ZAN: variants seen among roughly 807,000 people sequenced by gnomAD.
ZAN encodes zonadhesin (gene/pseudogene).
ZAN carries 260 observed loss-of-function variants against 286.2 expected under a neutral mutation model. That is an observed-to-expected ratio of 0.91 (90% CI 0.82 to 1.01). The LOEUF is 1.01. Among genes scored for constraint, ZAN ranks in the 50% least tolerant of loss-of-function variants. ZAN has a pLI of 0.00. For synonymous variants in ZAN, 1,368 were observed against 1,417.5 expected (o/e 0.97, Z 0.79); for missense variants, 3,410 against 3,639.2 (o/e 0.94, Z 1.62).
At chr7:100,783,241 C>G (rs1431722666) in intron 35 of ZAN, among the ~76,000 whole-genome samples, 1 of 151,924 alleles carries the variant, frequency 6.6e-6, no homozygotes, top group Non-Finnish European at 1.5e-5. Flanking sequence ...GCACTCCAGC[C>G]AGGGCGGAAA....
rs745650505 is a variant in ZAN, at chr7:100,758,507, G to A, written c.3452-24G>A. 43 of 1,554,456 alleles carry A rather than the reference G, an allele frequency of 2.8e-5. 1 individual carries two copies. Among genetic ancestry groups the A allele is most frequent in the South Asian group, 2.7e-4 (23 of 84,416 alleles). On this transcript the variant is annotated intron_variant, in intron 16 of 47. Coordinates refer to ENST00000613979, the MANE Select transcript of ZAN (RefSeq NM_003386.3). ...CTGGAGGAGCCACAGAAGCAGCTTC[G>A]CCTGTTCTCCTTCCCCCTCCCAGCA...
chr7:100,756,701 T>G (rs1337304118), intron 15 of ZAN, among the ~76,000 whole-genome samples: 1 of 151,830 alleles, frequency 6.6e-6, no homozygotes, highest in Non-Finnish European at 1.5e-5. Context: ...CACTTTTGTT[T>G]TTTTTTTTTT....
At position 100,755,245 on chromosome 7, in the gene ZAN, C is replaced by T. The variant is rs1283354194; in HGVS notation, c.3144C>T (p.Ala1048=). The change falls in exon 15 of 48, where the codon GCC becomes GCT. Residue 1048 remains alanine, a synonymous_variant. Transcript: ENST00000613979. ...CCTTAGAGCGCTGCCCTCCAAATGC[C>T]CGCTACGAATCCTGTGCTTGTCCTG... ...RSSTERCPPN[A]RYESCACPAS... 1 of 1,612,874 alleles carries T rather than the reference C, an allele frequency of 6.2e-7. No individual in the cohort carries two copies.
chr7:100,771,301 A>G (rs1294835224), intron 28 of ZAN, among the ~76,000 whole-genome samples: 2 of 152,090 alleles, frequency 1.3e-5, no homozygotes, highest in South Asian at 2.1e-4. Context: ...CAATGGCACA[A>G]TCATAGCTCA....
chr7:100,770,554 G>T (rs1810307113), intron 28 of ZAN, among the ~76,000 whole-genome samples: 2 of 148,540 alleles, frequency 1.3e-5, no homozygotes, highest in African/African-American at 5.0e-5. Context: ...TCACTATGTA[G>T]CCCAGGCTGT....
intron 29 of ZAN, among the ~76,000 whole-genome samples, chr7:100,772,911 G>A (rs531184723): frequency 1.1e-4 from 15 of 139,314 alleles, no homozygotes; most frequent in South Asian, 6.7e-4. Flanking sequence ...TCTCGCTGTC[G>A]CCCAGGCTGG....
chr7:100,758,101 T>C (rs868122701), intron 15 of ZAN, 101 bp from the exon 16 acceptor site: 1 of 865,178 alleles, frequency 1.2e-6, no homozygotes, highest in African/African-American at 1.9e-5. Flanking sequence ...AATAAATAAA[T>C]AAATAAATAA....
At chr7:100,794,505 A>G (rs1018698247) in intron 44 of ZAN, among the ~76,000 whole-genome samples, 1 of 151,988 alleles carries the variant, frequency 6.6e-6, no homozygotes, top group Non-Finnish European at 1.5e-5. Flanking sequence ...AGCACTCCTA[A>G]TTTATACATA....
In ZAN at chr7:100,757,502, C is replaced by T. The variant is rs917660676; in HGVS notation, c.3310-700C>T. ...GGGTGCAGTGGCTCATGCCTGTAATCCTAGCACTTTGGGAGGCCAAGGCGG... is the reference window on the plus strand; with the variant it reads ...GGGTGCAGTGGCTCATGCCTGTAATTCTAGCACTTTGGGAGGCCAAGGCGG... On this transcript the variant is annotated intron_variant, in intron 15 of 47. Coordinates refer to ENST00000613979, the MANE Select transcript of ZAN (RefSeq NM_003386.3). Among the ~76,000 whole-genome samples the T allele has an allele frequency of 4.4e-4, 66 of 149,576 alleles. 2 individuals are homozygous for T. The highest frequency in any genetic ancestry group is 1.7e-3 in the South Asian group (8 of 4,688).
At chr7:100,739,820 G>A (rs1326467486) in intron 7 of ZAN, among the ~76,000 whole-genome samples, 1 of 138,836 alleles carries the variant, frequency 7.2e-6, no homozygotes, top group Non-Finnish European at 1.6e-5. Context: ...ACCACGCCCA[G>A]CTAATTTTTG....
Position 100,769,913 on chromosome 7 carries a change from C to A in ZAN, c.5187C>A (p.Cys1729Ter). The A allele has an allele frequency of 6.4e-7, 1 of 1,563,316 alleles. No individual in the cohort carries two copies. The highest frequency in any genetic ancestry group is 8.7e-7 in the Non-Finnish European group (1 of 1,153,312). Residue 1729 changes from cysteine (C) to a stop codon, truncating the protein, a stop_gained, in exon 28 of 48, where the codon TGC becomes TGA. Transcript: ENST00000613979. LOFTEE classifies it high-confidence loss of function. ...CFLVGGKPSS[C>*]QENSMADAWN... ...TTGTGGGTGGCAAGCCCTCCAGCTG[C>A]CAGGAGAACAGCATGGCAGACGCCT...
At chr7:100,770,848 G>C (rs968271831) in intron 28 of ZAN, among the ~76,000 whole-genome samples, 1 of 151,886 alleles carries the variant, frequency 6.6e-6, no homozygotes, top group Non-Finnish European at 1.5e-5. Context: ...CTGTTGCCCA[G>C]GCTGGAGTGC....
rs750922272 is a variant in ZAN at position 100,791,007 on chromosome 7, C to T, written c.7423C>T (p.Arg2475Cys). 1.7e-5 allele frequency: 27 copies of T among 1,612,212 alleles called. No homozygotes were observed. Among genetic ancestry groups the T allele is most frequent in the East Asian group, 1.3e-4 (6 of 44,838 alleles). ...SGLCGNYDKN[R>C]KNDMMLPSGA... ...CCTGTGCGGAAACTACGACAAGAAC[C>T]GCAAGAATGACATGATGCTGCCCAG... Residue 2475 changes from arginine (R) to cysteine (C), a missense_variant, in exon 40 of 48, where the codon CGC (arginine) becomes TGC (cysteine). Coordinates refer to ENST00000613979, the MANE Select transcript of ZAN (RefSeq NM_003386.3).
chr7:100,766,890 C>T (rs1023603563), intron 24 of ZAN, 120 bp from the exon 25 acceptor site: 1 of 1,526,696 alleles, frequency 6.6e-7, no homozygotes, highest in African/African-American at 1.4e-5. Context: ...AGGGAAACAC[C>T]ACATCTGTGG....
chr7:100,736,808 G>T lies in ZAN; in HGVS notation c.254-1G>T. On this transcript the variant is annotated splice_acceptor_variant, in intron 4 of 47. Transcript: ENST00000613979. LOFTEE classifies it high-confidence loss of function. Reference sequence around the variant, plus strand: ...AGTGTCTTGGGCTCTGCCTCCCCCAGAGGGCAGCTATCTGCATATGGAATC... The same window carrying T: ...AGTGTCTTGGGCTCTGCCTCCCCCATAGGGCAGCTATCTGCATATGGAATC... The T allele has an allele frequency of 1.4e-6, 2 of 1,471,784 alleles. No individual in the cohort carries two copies. Among genetic ancestry groups the T allele is most frequent in the South Asian group, 1.2e-5 (1 of 83,908 alleles). The allele number at this position is 1,471,784 out of a possible 1,614,324, so 91.2% of individuals were successfully genotyped here.
intron 39 of ZAN, among the ~76,000 whole-genome samples, chr7:100,789,695 A>G (rs1811811393): frequency 6.6e-6 from 1 of 152,188 alleles, no homozygotes; most frequent in Admixed American, 6.5e-5. Context: ...CTGTAATCCC[A>G]GCACTTTGGG....
chr7:100,747,739 C>A, intron 9 of ZAN, 98 bp downstream of exon 9: 1 of 1,234,992 alleles, frequency 8.1e-7, no homozygotes, highest in East Asian at 2.4e-5. Flanking sequence ...GCCTGTATTC[C>A]CAATACTTTG....
intron 7 of ZAN, among the ~76,000 whole-genome samples, chr7:100,739,153 AGGCGTGCACCACCATGCCC>A (rs1168178747): frequency 7.4e-6 from 1 of 134,674 alleles, no homozygotes; most frequent in Non-Finnish European, 1.6e-5. Flanking sequence ...CTGAGACTGC[AGGCGTGCACCACCATGCCC>A]GGCTAATTTT....
intron 25 of ZAN, 106 bp downstream of exon 25, chr7:100,767,363 C>T: frequency 6.7e-7 from 1 of 1,488,498 alleles, no homozygotes; most frequent in East Asian, 2.3e-5. Context: ...CCTTAGAGCA[C>T]CTGGGAAGCA....
Sources: allele counts gnomAD v4.1 joint callset (sites outside exome capture counted in the v4.1 genomes callset), GRCh38; gene constraint gnomAD v4.1.1; transcripts MANE v1.5; gene names NCBI Gene and HGNC (gene_info 2026-07-23, HGNC 2026-07-21).